Variants in CSMD1 observed in about 807,000 individuals in gnomAD.
CSMD1 encodes the protein CUB and sushi domain-containing protein 1.
In CSMD1, 213 loss-of-function variants were observed where a neutral mutation model predicts 417.5. The observed-to-expected ratio is 0.51, with a 90% confidence interval of 0.46 to 0.57. The LOEUF is 0.57. Among genes scored for constraint, CSMD1 ranks in the 20% least tolerant of loss-of-function variants. CSMD1 has a pLI of 0.00. For missense variants in CSMD1, 6,923 were observed against 4,529.7 expected (o/e 1.53, Z -15.17); for synonymous variants, 2,862 against 1,736.8 (o/e 1.65, Z -16.11).
intron 3 of CSMD1, among the ~76,000 whole-genome samples, chr8:4,317,462 C>G (rs534305501): frequency 4.6e-5 from 7 of 152,256 alleles, no homozygotes; most frequent in South Asian, 4.1e-4. Context: ...TGTCTATACG[C>G]TGCCAGTGTA....
At chr8:3,373,289 C>T (rs143617626) in intron 18 of CSMD1, 1 of 152,126 alleles carries the variant, frequency 6.6e-6, no homozygotes, top group African/African-American at 2.4e-5. Context: ...GATGTTTTCC[C>T]TCCATACCAC....
chr8:4,755,323 T>C (rs1460109704), intron 1 of CSMD1, among the ~76,000 whole-genome samples: 1 of 152,220 alleles, frequency 6.6e-6, no homozygotes, highest in African/African-American at 2.4e-5. Context: ...AATCTTATGT[T>C]CACTTTTCCT....
At chr8:3,950,898 T>A (rs1811555240) in intron 5 of CSMD1, among the ~76,000 whole-genome samples, 1 of 152,070 alleles carries the variant, frequency 6.6e-6, no homozygotes, top group Non-Finnish European at 1.5e-5. Flanking sequence ...GAATACTTAA[T>A]AAAAAATAAG....
At chr8:4,080,651 A>G (rs1800082594) in intron 3 of CSMD1, among the ~76,000 whole-genome samples, 1 of 152,210 alleles carries the variant, frequency 6.6e-6, no homozygotes, top group Non-Finnish European at 1.5e-5. Context: ...TATTAGCACG[A>G]CAAGACAAAA....
At position 3,855,014 on chromosome 8, in the gene CSMD1, C is replaced by T. The variant is rs544476790; in HGVS notation, c.819-100972G>A. 5.3e-5 allele frequency among the ~76,000 whole-genome samples: 8 copies of T among 152,126 alleles called. No individual in the cohort carries two copies. The East Asian group carries it at 5.8e-4, about 11-fold the overall frequency. ...AGTAATCCATACAGCCATACACATT[C>T]GGAAATAAACACAAAAACATGCATA... is the stretch of plus-strand genomic sequence containing the variant. On this transcript the variant is annotated intron_variant, in intron 5 of 69. Coordinates refer to ENST00000635120, the MANE Select transcript of CSMD1 (RefSeq NM_033225.6).
chr8:3,487,391 C>T (rs929231658), intron 11 of CSMD1, among the ~76,000 whole-genome samples: 4 of 151,994 alleles, frequency 2.6e-5, no homozygotes, highest in African/African-American at 9.7e-5. Flanking sequence ...TTAGTAGAGA[C>T]AGGGTTTCAC....
chr8:4,651,889 G>A (rs1403032610), intron 1 of CSMD1, among the ~76,000 whole-genome samples: 1 of 152,186 alleles, frequency 6.6e-6, no homozygotes. Context: ...AAGTTAGGGA[G>A]AGACATTAGA....
chr8:3,178,680 G>C (rs376257575), intron 37 of CSMD1, among the ~76,000 whole-genome samples: 1 of 152,108 alleles, frequency 6.6e-6, no homozygotes, highest in South Asian at 2.1e-4. Context: ...GGACAAATAA[G>C]TAACAAGCGG....
chr8:3,159,959 C>T (rs1352264974), intron 38 of CSMD1, among the ~76,000 whole-genome samples: 1 of 152,032 alleles, frequency 6.6e-6, no homozygotes, highest in African/African-American at 2.4e-5. Context: ...TGAGCAAGAG[C>T]AAATATTACA....
At chr8:4,588,831 T>A (rs984316182) in intron 2 of CSMD1, among the ~76,000 whole-genome samples, 4 of 150,550 alleles carry the variant, frequency 2.7e-5, no homozygotes, top group Non-Finnish European at 5.9e-5. Context: ...CTGTGCTTGA[T>A]TCTGTTCACA....
chr8:3,134,532 T>C (rs1417061458), intron 41 of CSMD1, among the ~76,000 whole-genome samples: 3 of 152,246 alleles, frequency 2.0e-5, no homozygotes, highest in African/African-American at 7.2e-5. Flanking sequence ...GATCGGAGTT[T>C]TCCCACAGTG....
chr8:3,542,657 G>C (rs1293448962), intron 10 of CSMD1, among the ~76,000 whole-genome samples: 2 of 152,180 alleles, frequency 1.3e-5, no homozygotes, highest in Admixed American at 1.3e-4. Context: ...GGACAGTTCA[G>C]ATGTGTTTCT....
At chr8:4,299,970 T>G (rs993873055) in intron 3 of CSMD1, among the ~76,000 whole-genome samples, 1 of 152,168 alleles carries the variant, frequency 6.6e-6, no homozygotes, top group South Asian at 2.1e-4. Context: ...TTGTTGATAA[T>G]AGCTATTAGA....
intron 54 of CSMD1, among the ~76,000 whole-genome samples, chr8:2,982,261 C>G (rs893421839): frequency 1.4e-4 from 22 of 152,112 alleles, no homozygotes; most frequent in African/African-American, 4.3e-4. Context: ...GAGGCTGAGG[C>G]AGGAGAATTG....
intron 6 of CSMD1, among the ~76,000 whole-genome samples, chr8:3,747,960 G>A (rs34711006): frequency 0.015 from 2,357 of 152,088 alleles, 27 homozygotes; most frequent in South Asian, 0.028. Context: ...TCTTCCGTTT[G>A]TCTAGAAGTC....
intron 5 of CSMD1, among the ~76,000 whole-genome samples, chr8:3,847,762 T>A (rs1223073378): frequency 6.6e-6 from 1 of 152,106 alleles, no homozygotes; most frequent in Non-Finnish European, 1.5e-5. Flanking sequence ...CTCCATATGT[T>A]CCTTTTTATC....
chr8:3,472,629 G>A lies in CSMD1; in HGVS notation c.1449-3805C>T, dbSNP rs897230868. ...TTTCCAGACTCACACTAGACACATGGTGCCACATTTTTTTCCTGAATTATA... is the reference window on the plus strand; with the variant it reads ...TTTCCAGACTCACACTAGACACATGATGCCACATTTTTTTCCTGAATTATA... On this transcript the variant is annotated intron_variant, in intron 11 of 69. Transcript: ENST00000635120. Among the ~76,000 whole-genome samples the A allele has an allele frequency of 1.1e-4, 17 of 152,012 alleles. 1 individual carries two copies. The South Asian group carries it at 3.5e-3, about 32-fold the overall frequency.
intron 1 of CSMD1, among the ~76,000 whole-genome samples, chr8:4,961,296 C>G (rs1273842377): frequency 6.6e-6 from 1 of 152,048 alleles, no homozygotes; most frequent in Non-Finnish European, 1.5e-5. Context: ...AAAATGGATC[C>G]ATCCCATTAT....
intron 2 of CSMD1, among the ~76,000 whole-genome samples, chr8:4,440,034 A>C (rs1027570472): frequency 9.2e-5 from 14 of 152,194 alleles, no homozygotes; most frequent in Admixed American, 2.6e-4. Context: ...TAAGAAGCTT[A>C]ATATATCTAA....
Sources: gnomAD v4.1 joint callset for allele counts (sites outside exome capture counted in the v4.1 genomes callset) on GRCh38, gnomAD v4.1.1 for gene constraint, MANE v1.5 for transcripts, NCBI Gene and HGNC (gene_info 2026-07-23, HGNC 2026-07-21) for gene names.